EPHA3: variants seen among roughly 807,000 people sequenced by gnomAD.
The protein encoded by EPHA3 is ephrin type-A receptor 3.
In EPHA3, 42 loss-of-function variants were observed where a neutral mutation model predicts 107.1. The observed-to-expected ratio is 0.39, with a 90% CI of 0.31 to 0.51. The LOEUF (loss-of-function observed/expected upper bound fraction) is 0.51, where lower values mean the gene tolerates loss of function less well. Ranked by LOEUF, EPHA3 falls within the 20% of genes least tolerant of loss-of-function variation. The pLI is 0.78. For missense variants in EPHA3, 1,183 were observed against 1,211.2 expected, an observed-to-expected ratio of 0.98 and a Z score of 0.35; for synonymous variants, 461 against 424.8, an observed-to-expected ratio of 1.09 and a Z score of -1.05.
In EPHA3 at chr3:89,474,693, A is replaced by G. The variant is rs374385226; in HGVS notation, c.2846+2074A>G. ...AGATTAACTGCTAGTTTGCAATTCA[A>G]ATATTGTCAGCCATTATAAGCTATG... On this transcript the variant is annotated intron_variant, in intron 16 of 16. Coordinates refer to ENST00000336596, the MANE Select transcript of EPHA3 (RefSeq NM_005233.6). Among the ~76,000 whole-genome samples, 6 of 152,346 alleles carry G rather than the reference A, an allele frequency of 3.9e-5. No individual in the cohort carries two copies. In the East Asian group the frequency reaches 1.2e-3, roughly 29 times the overall value.
chr3:89,469,071 T>A lies in EPHA3; in HGVS notation c.2691-3393T>A, dbSNP rs529756854. Among the ~76,000 whole-genome samples the A allele has an allele frequency of 7.9e-5, 12 of 152,256 alleles. No individual in the cohort carries two copies. In the South Asian group the frequency reaches 2.5e-3, roughly 32 times the overall value. On this transcript the variant is annotated intron_variant, in intron 15 of 16. Transcript: ENST00000336596. ...TTAATATTTATATAATATGGCCCAATCCTTTTTTAGATAATCTCTGAGAGT... is the reference window on the plus strand; with the variant it reads ...TTAATATTTATATAATATGGCCCAAACCTTTTTTAGATAATCTCTGAGAGT...
At chr3:89,281,004 ATTATTTATTTAT>A (rs372696481) in intron 3 of EPHA3, among the ~76,000 whole-genome samples, 6 of 147,364 alleles carry the variant, frequency 4.1e-5, no homozygotes, top group South Asian at 2.1e-4. Flanking sequence ...CAAGATTTTT[ATTATTTATTTAT>A]TTATTTATTT....
chr3:89,438,771 T>C (rs1293172274), intron 13 of EPHA3, among the ~76,000 whole-genome samples: 6 of 152,196 alleles, frequency 3.9e-5, no homozygotes, highest in Non-Finnish European at 7.3e-5. Flanking sequence ...ATGATCAATA[T>C]GAATATGCCT....
intron 15 of EPHA3, among the ~76,000 whole-genome samples, chr3:89,459,204 A>T (rs921619033): frequency 1.3e-5 from 2 of 152,170 alleles, no homozygotes; most frequent in African/African-American, 4.8e-5. Flanking sequence ...ATTTTAAAAA[A>T]GATAGAAGGA....
intron 13 of EPHA3, among the ~76,000 whole-genome samples, chr3:89,435,826 G>A (rs1158291082): frequency 4.0e-5 from 6 of 150,402 alleles, no homozygotes; most frequent in African/African-American, 4.9e-5. Flanking sequence ...GGTGGTGTGC[G>A]CCTGTAATCC....
chr3:89,309,776 T>C (rs574435880), intron 3 of EPHA3, among the ~76,000 whole-genome samples: 2 of 152,068 alleles, frequency 1.3e-5, no homozygotes, highest in South Asian at 4.1e-4. Flanking sequence ...AAGAAAAAAA[T>C]GTTTTTAGTA....
At chr3:89,190,775 C>A (rs1009551486) in intron 2 of EPHA3, among the ~76,000 whole-genome samples, 5 of 152,180 alleles carry the variant, frequency 3.3e-5, no homozygotes, top group African/African-American at 9.6e-5. Flanking sequence ...GCCTCTCTTT[C>A]TGGCTTATAA....
intron 3 of EPHA3, among the ~76,000 whole-genome samples, chr3:89,219,698 T>TC (rs1559606344): frequency 7.9e-5 from 1 of 12,622 alleles, no homozygotes; most frequent in Non-Finnish European, 1.6e-4. Context: ...GTTTTTTTTT[T>TC]TTTTGTTTTT....
chr3:89,457,403 A>G (rs1051726740), intron 15 of EPHA3, among the ~76,000 whole-genome samples: 5 of 152,196 alleles, frequency 3.3e-5, no homozygotes, highest in African/African-American at 1.2e-4. Context: ...TACTTACTGC[A>G]GATCAGCAGG....
chr3:89,185,975 T>G (rs1335674335), intron 2 of EPHA3, among the ~76,000 whole-genome samples: 1 of 151,826 alleles, frequency 6.6e-6, no homozygotes, highest in Non-Finnish European at 1.5e-5. Flanking sequence ...AGAAGGTTCA[T>G]TTTTTTTCTT....
intron 2 of EPHA3, among the ~76,000 whole-genome samples, chr3:89,141,020 C>T (rs1166552665): frequency 6.6e-6 from 1 of 151,434 alleles, no homozygotes; most frequent in Non-Finnish European, 1.5e-5. Flanking sequence ...AACAGTAAGG[C>T]CCAAAGAATT....
chr3:89,288,810 A>G (rs528698874), intron 3 of EPHA3, among the ~76,000 whole-genome samples: 2 of 152,314 alleles, frequency 1.3e-5, no homozygotes, highest in South Asian at 4.1e-4. Context: ...TCAGGTAATT[A>G]AAGTGTAAGC....
chr3:89,369,559 G>A (rs892861333), intron 5 of EPHA3, among the ~76,000 whole-genome samples: 10 of 150,010 alleles, frequency 6.7e-5, no homozygotes, highest in African/African-American at 2.2e-4. Flanking sequence ...AACCCTAGAA[G>A]AAAACCTAGG....
chr3:89,152,799 A>G (rs1704717190), intron 2 of EPHA3, among the ~76,000 whole-genome samples: 1 of 152,106 alleles, frequency 6.6e-6, no homozygotes, highest in South Asian at 2.1e-4. Flanking sequence ...GAACGAAGAA[A>G]TGTAGGCATT....
intron 2 of EPHA3, among the ~76,000 whole-genome samples, chr3:89,204,961 G>C (rs539135232): frequency 1.3e-5 from 2 of 152,106 alleles, no homozygotes; most frequent in Non-Finnish European, 1.5e-5. Flanking sequence ...TTTGTAAAGC[G>C]CAGAAATTGG....
At chr3:89,442,704 AT>A (rs577785362) in intron 13 of EPHA3, among the ~76,000 whole-genome samples, 273 of 152,192 alleles carry the variant, frequency 1.8e-3, no homozygotes, top group Non-Finnish European at 3.3e-3. Context: ...GGTACTTTCT[AT>A]TTTTTCCTGT....
At chr3:89,212,178 CTTTTA>C (rs1704117929) in intron 3 of EPHA3, among the ~76,000 whole-genome samples, 2 of 151,710 alleles carry the variant, frequency 1.3e-5, no homozygotes, top group South Asian at 4.2e-4. Context: ...TAAAATATGA[CTTTTA>C]TTTAAATACA....
intron 15 of EPHA3, among the ~76,000 whole-genome samples, chr3:89,458,018 G>A (rs1268058103): frequency 6.6e-6 from 1 of 152,150 alleles, no homozygotes; most frequent in Non-Finnish European, 1.5e-5. Flanking sequence ...AAGAACAGAA[G>A]GAAGAACAGG....
chr3:89,342,142 G>T (rs375810644), intron 5 of EPHA3, 52 bp downstream of exon 5: 3 of 1,473,532 alleles, frequency 2.0e-6, no homozygotes, highest in South Asian at 1.4e-5. Flanking sequence ...TCTGAGTAAT[G>T]GTTTTGACTC....
Sources: allele counts gnomAD v4.1 joint callset (sites outside exome capture counted in the v4.1 genomes callset), GRCh38; gene constraint gnomAD v4.1.1; transcripts MANE v1.5; gene names NCBI Gene and HGNC (gene_info 2026-07-23, HGNC 2026-07-21).